Variants in ATG7 observed in about 807,000 individuals in gnomAD.
ATG7 encodes ubiquitin-like modifier-activating enzyme ATG7.
A neutral mutation model predicts 82.4 loss-of-function variants in ATG7; 70 were observed. That is an observed-to-expected ratio of 0.85 (90% CI 0.70 to 1.04). The LOEUF is 1.04. Ranked by LOEUF, ATG7 falls within the 50% of genes least tolerant of loss-of-function variation. The probability of loss-of-function intolerance (pLI) is 0.00; values close to 1 mark genes in which losing one functional copy is unlikely to be tolerated. For synonymous variants in ATG7, 287 were observed against 313.0 expected, an observed-to-expected ratio of 0.92 and a Z score of 0.88; for missense variants, 792 against 864.3, an observed-to-expected ratio of 0.92 and a Z score of 1.05.
intron 20 of ATG7, among the ~76,000 whole-genome samples, chr3:11,470,618 T>G (rs1296437627): frequency 6.6e-6 from 1 of 152,188 alleles, no homozygotes; most frequent in Non-Finnish European, 1.5e-5. Context: ...GAAGTAAATG[T>G]CAGCATTCCC....
intron 20 of ATG7, among the ~76,000 whole-genome samples, chr3:11,470,013 A>G (rs1017392384): frequency 4.1e-5 from 6 of 146,736 alleles, no homozygotes; most frequent in Non-Finnish European, 9.0e-5. Flanking sequence ...AAAAAAAGAG[A>G]GAGAGAGATG....
At chr3:11,346,315 T>A (rs1184982552) in intron 13 of ATG7, among the ~76,000 whole-genome samples, 1 of 152,248 alleles carries the variant, frequency 6.6e-6, no homozygotes, top group Non-Finnish European at 1.5e-5. Flanking sequence ...TCTTTGTGAC[T>A]GCATCTTGGT....
downstream of ATG7, among the ~76,000 whole-genome samples, chr3:11,559,829 C>T (rs186968217): frequency 2.4e-4 from 36 of 152,304 alleles, no homozygotes; most frequent in African/African-American, 8.4e-4. Flanking sequence ...AGAGCCCTTC[C>T]CATCATGTCC....
intron 19 of ATG7, among the ~76,000 whole-genome samples, chr3:11,393,356 C>A (rs1295790769): frequency 6.6e-6 from 1 of 152,040 alleles, no homozygotes; most frequent in African/African-American, 2.4e-5. Flanking sequence ...GGTATGCACT[C>A]CTGATTAGGG....
At chr3:11,418,000 C>T (rs1260626098) in intron 19 of ATG7, among the ~76,000 whole-genome samples, 8 of 150,078 alleles carry the variant, frequency 5.3e-5, no homozygotes, top group East Asian at 2.0e-4. Flanking sequence ...TTAGTAGAGA[C>T]GGGGGTTTCA....
chr3:11,325,299 G>A (rs1950717216), intron 9 of ATG7, among the ~76,000 whole-genome samples: 1 of 152,212 alleles, frequency 6.6e-6, no homozygotes, highest in Non-Finnish European at 1.5e-5. Context: ...CTGCAAGACA[G>A]TGTATTTATG....
chr3:11,293,387 C>T (rs565366291), intron 3 of ATG7, among the ~76,000 whole-genome samples: 41 of 151,672 alleles, frequency 2.7e-4, no homozygotes, highest in African/African-American at 8.0e-4. Flanking sequence ...AAAAATTAGC[C>T]GGGTGCGGTG....
At position 11,554,947 on chromosome 3, in the gene ATG7, C is replaced by A. The variant is rs1192572222; in HGVS notation, c.*104C>A. 5 of 1,404,454 alleles carry A rather than the reference C, an allele frequency of 3.6e-6. No homozygotes were observed. In the Admixed American group the frequency reaches 8.7e-5, roughly 24 times the overall value. The allele number at this position is 1,404,454 out of a possible 1,614,324, so 87.0% of individuals were successfully genotyped here. ...CCAGGCCTGGTGATTCTGGGCCCCT[C>A]CTCCATACCCCGAGGTCTGGGATTC... On this transcript the variant is annotated 3_prime_UTR_variant, in exon 21 of 21. Transcript: ENST00000693202.
At chr3:11,342,308 C>A in intron 13 of ATG7, 29 bp downstream of exon 13, 1 of 1,596,966 alleles carries the variant, frequency 6.3e-7, no homozygotes, top group Non-Finnish European at 8.5e-7. Context: ...GTGCAAATGG[C>A]ACCTTTGAAG....
intron 20 of ATG7, among the ~76,000 whole-genome samples, chr3:11,493,538 C>T (rs57271787): frequency 0.015 from 2,354 of 152,252 alleles, 66 homozygotes; most frequent in African/African-American, 0.054. Context: ...GGTGGGGTTT[C>T]CACTGGGGAC....
intron 19 of ATG7, among the ~76,000 whole-genome samples, chr3:11,424,900 A>T (rs1273932918): frequency 6.6e-6 from 1 of 152,158 alleles, no homozygotes; most frequent in Non-Finnish European, 1.5e-5. Flanking sequence ...TTTTAAATAT[A>T]TTGCTATGTT....
chr3:11,349,686 G>A (rs1955164666), intron 14 of ATG7, among the ~76,000 whole-genome samples: 1 of 152,158 alleles, frequency 6.6e-6, no homozygotes, highest in South Asian at 2.1e-4. Context: ...ATCCTGCCTG[G>A]TTCCAAAGAG....
At chr3:11,575,364 A>G in the ATG7 span, among the ~76,000 whole-genome samples, 95 of 152,346 alleles carry the variant, frequency 6.2e-4, 1 homozygote, top group East Asian at 0.014. Context: ...TCATTAAATC[A>G]GCATAGCCAG....
intron 8 of ATG7, among the ~76,000 whole-genome samples, chr3:11,313,787 A>G (rs552321663): frequency 7.2e-5 from 11 of 152,036 alleles, no homozygotes; most frequent in Non-Finnish European, 1.5e-4. Flanking sequence ...TTTAATAGAT[A>G]TGGGGTTTTG....
intron 20 of ATG7, among the ~76,000 whole-genome samples, chr3:11,468,043 C>T (rs952091352): frequency 1.3e-5 from 2 of 152,134 alleles, no homozygotes; most frequent in Non-Finnish European, 1.5e-5. Flanking sequence ...AAGATGCTTA[C>T]TCAGCCTTTG....
chr3:11,379,075 G>C (rs1221101937), intron 18 of ATG7, among the ~76,000 whole-genome samples: 2 of 152,036 alleles, frequency 1.3e-5, no homozygotes, highest in Non-Finnish European at 2.9e-5. Flanking sequence ...TTGAGTCTTG[G>C]CTCCATTACT....
intron 20 of ATG7, among the ~76,000 whole-genome samples, chr3:11,460,317 G>A (rs951104368): frequency 1.3e-5 from 2 of 152,124 alleles, no homozygotes; most frequent in Admixed American, 6.6e-5. Flanking sequence ...TCTACCTTTG[G>A]GCTGCTAAAT....
At chr3:11,492,433 T>C (rs2090449468) in intron 20 of ATG7, among the ~76,000 whole-genome samples, 1 of 152,200 alleles carries the variant, frequency 6.6e-6, no homozygotes, top group African/African-American at 2.4e-5. Context: ...TCTGTGTCAC[T>C]CACGCTGGGA....
intron 20 of ATG7, among the ~76,000 whole-genome samples, chr3:11,479,131 G>A (rs576635915): frequency 6.6e-6 from 1 of 152,102 alleles, no homozygotes; most frequent in South Asian, 2.1e-4. Context: ...GCCTTTGCCA[G>A]TAGTTTAGTT....
Sources: allele counts gnomAD v4.1 joint callset (sites outside exome capture counted in the v4.1 genomes callset), GRCh38; gene constraint gnomAD v4.1.1; transcripts MANE v1.5; gene names NCBI Gene and HGNC (gene_info 2026-07-23, HGNC 2026-07-21).